Variants in RPTOR observed in about 807,000 individuals in gnomAD.
RPTOR encodes the protein regulatory-associated protein of mTOR.
Under a neutral mutation model 169.9 loss-of-function variants are expected in RPTOR, and 21 were observed. That is an observed-to-expected ratio of 0.12 (90% CI 0.09 to 0.18). The LOEUF is 0.18. Among genes scored for constraint, RPTOR ranks in the 10% least tolerant of loss-of-function variants. The pLI is 1.00. For missense variants in RPTOR, 1,133 were observed against 1,855.9 expected (o/e 0.61, Z 7.16); for synonymous variants, 732 against 753.2 (o/e 0.97, Z 0.46).
intron 1 of RPTOR, among the ~76,000 whole-genome samples, chr17:80,583,589 G>C (rs1007741075): frequency 6.6e-6 from 1 of 152,066 alleles, no homozygotes; most frequent in African/African-American, 2.4e-5. Flanking sequence ...TCTGGGCCCA[G>C]CACCTATGCT....
At chr17:80,818,519 G>A (rs1056514819) in intron 7 of RPTOR, among the ~76,000 whole-genome samples, 1 of 152,118 alleles carries the variant, frequency 6.6e-6, no homozygotes, top group African/African-American at 2.4e-5. Flanking sequence ...GAAACAAATC[G>A]TTTCTGCAAG....
chr17:80,559,376 C>T (rs560517676), intron 1 of RPTOR, among the ~76,000 whole-genome samples: 1 of 152,266 alleles, frequency 6.6e-6, no homozygotes, highest in South Asian at 2.1e-4. Flanking sequence ...TTTTGCCATA[C>T]CTGTTTGGGA....
chr17:80,688,580 C>T (rs1401287396), intron 3 of RPTOR, among the ~76,000 whole-genome samples: 1 of 152,182 alleles, frequency 6.6e-6, no homozygotes, highest in Non-Finnish European at 1.5e-5. Flanking sequence ...GAAGAAGGGA[C>T]GGCCGTTCTC....
At chr17:80,790,458 T>C (rs1420958810) in intron 6 of RPTOR, among the ~76,000 whole-genome samples, 2 of 152,192 alleles carry the variant, frequency 1.3e-5, no homozygotes, top group African/African-American at 4.8e-5. Flanking sequence ...CTCTGGCTCG[T>C]TGTCTTCCTG....
At chr17:80,963,785 CCGTCCCCTCTGCGGCCCT>C (rs2144108179) in intron 33 of RPTOR, among the ~76,000 whole-genome samples, 1 of 144,284 alleles carries the variant, frequency 6.9e-6, no homozygotes, top group East Asian at 2.0e-4. Flanking sequence ...GGCCCTCACC[CCGTCCCCTCTGCGGCCCT>C]CACCCCGTCC....
intron 7 of RPTOR, among the ~76,000 whole-genome samples, chr17:80,801,194 T>TG (rs2143532594): frequency 1.3e-5 from 2 of 152,330 alleles, no homozygotes; most frequent in African/African-American, 4.8e-5. Context: ...CCGTGCTTCC[T>TG]GGGGAATGAT....
chr17:80,776,577 G>T (rs1169906018), intron 6 of RPTOR, among the ~76,000 whole-genome samples: 4 of 152,060 alleles, frequency 2.6e-5, no homozygotes, highest in African/African-American at 9.7e-5. Context: ...GTCCGCCTCG[G>T]CCTCCCAAAG....
chr17:80,602,802 G>A (rs1030956488), intron 1 of RPTOR: 7 of 686,190 alleles, frequency 1.0e-5, no homozygotes, highest in East Asian at 2.7e-5. Flanking sequence ...TGCCCAAGGG[G>A]CACGCTTCAT....
intron 6 of RPTOR, among the ~76,000 whole-genome samples, chr17:80,770,172 G>A (rs145024703): frequency 1.3e-5 from 2 of 152,298 alleles, no homozygotes; most frequent in South Asian, 2.1e-4. Context: ...TCCTCACATA[G>A]CAGAAGGCAG....
At chr17:80,698,967 C>T (rs1028951368) in intron 3 of RPTOR, among the ~76,000 whole-genome samples, 7 of 152,198 alleles carry the variant, frequency 4.6e-5, no homozygotes, top group Admixed American at 4.6e-4. Context: ...TTCAGGCGCC[C>T]GTGATTCCCC....
chr17:80,868,131 G>C (rs1322490649), intron 13 of RPTOR, among the ~76,000 whole-genome samples: 1 of 152,164 alleles, frequency 6.6e-6, no homozygotes, highest in Non-Finnish European at 1.5e-5. Flanking sequence ...TGATGACATG[G>C]AGAAAATGAA....
At chr17:80,618,115 G>A (rs2065326502) in intron 1 of RPTOR, among the ~76,000 whole-genome samples, 1 of 152,086 alleles carries the variant, frequency 6.6e-6, no homozygotes, top group African/African-American at 2.4e-5. Context: ...CGAGTAGCTG[G>A]GACCATAAGT....
rs1317627135 is a variant in RPTOR, at chr17:80,957,531, G to C, written c.3371-93G>C. The C allele has an allele frequency of 8.6e-7, 1 of 1,162,554 alleles. No individual in the cohort carries two copies. The highest frequency in any genetic ancestry group is 1.5e-5 in the African/African-American group (1 of 66,298). 72.0% of individuals were successfully genotyped at this position (1,162,554 alleles called of 1,614,324 possible). On this transcript the variant is annotated intron_variant, in intron 28 of 33. Transcript: ENST00000306801. This position sits in a 1 kb window ranked among gnomAD's most constrained non-coding sequence, Gnocchi z 4.6. ...TCGATGGTGGCAGGGGTACCTTGTAGCTGCTGGCCAAATTGCTGCCCAGAG... is the reference window on the plus strand; with the variant it reads ...TCGATGGTGGCAGGGGTACCTTGTACCTGCTGGCCAAATTGCTGCCCAGAG...
chr17:80,679,282 A>G (rs2065881238), intron 3 of RPTOR, among the ~76,000 whole-genome samples: 2 of 152,160 alleles, frequency 1.3e-5, no homozygotes, highest in Non-Finnish European at 2.9e-5. Context: ...CATCTCCAAA[A>G]ACAAAAAAAG....
In RPTOR at chr17:80,785,027, A is replaced by G. The variant is rs899513260; in HGVS notation, c.831-6423A>G. 2.1e-4 allele frequency among the ~76,000 whole-genome samples: 32 copies of G among 152,210 alleles called. 2 individuals are homozygous for G. Among genetic ancestry groups the G allele is most frequent in the Admixed American group, 1.9e-3 (29 of 15,284 alleles). On this transcript the variant is annotated intron_variant, in intron 6 of 33. Coordinates refer to ENST00000306801, the MANE Select transcript of RPTOR (RefSeq NM_020761.3). ...TGTGTATTTATTGCCACTCTGAGCT[A>G]TATTTGAAAATTCCTTTTGTGAAAA...
chr17:80,950,404 C>G (rs936177910), intron 28 of RPTOR, among the ~76,000 whole-genome samples: 1 of 152,184 alleles, frequency 6.6e-6, no homozygotes, highest in Non-Finnish European at 1.5e-5. Context: ...TCTGTCTCCG[C>G]CCTTCTGTCT....
At chr17:80,890,277 G>A (rs545549480) in intron 17 of RPTOR, among the ~76,000 whole-genome samples, 4 of 152,338 alleles carry the variant, frequency 2.6e-5, no homozygotes, top group Non-Finnish European at 5.9e-5. Flanking sequence ...CAGAAGGAAA[G>A]GGAAAAAAAT....
intron 28 of RPTOR, among the ~76,000 whole-genome samples, chr17:80,950,205 G>A (rs35439443): frequency 0.021 from 3,196 of 152,342 alleles, 58 homozygotes; most frequent in Non-Finnish European, 0.034. Flanking sequence ...AGGAGTCATC[G>A]CTCTTCAGCG....
chr17:80,863,444 T>C (rs2067943330), intron 13 of RPTOR, among the ~76,000 whole-genome samples: 1 of 152,228 alleles, frequency 6.6e-6, no homozygotes, highest in Non-Finnish European at 1.5e-5. Context: ...GCAGGTGTTA[T>C]CATTAGCAGG....
Sources: gnomAD v4.1 joint callset for allele counts (sites outside exome capture counted in the v4.1 genomes callset) on GRCh38, gnomAD v4.1.1 for gene constraint, Gnocchi (gnomAD v3.1) non-coding constraint, MANE v1.5 for transcripts, NCBI Gene and HGNC (gene_info 2026-07-23, HGNC 2026-07-21) for gene names.